The following LRP1B variants were observed in gnomAD, a reference collection of about 807,000 sequenced individuals.
LRP1B encodes LDL receptor related protein 1B, also known as low-density lipoprotein receptor-related protein 1B.
In LRP1B, 217 loss-of-function variants were observed where a neutral mutation model predicts 556.6. That is an observed-to-expected ratio of 0.39 (90% confidence interval 0.35 to 0.44). The LOEUF is 0.44. Among genes scored for constraint, LRP1B ranks in the 20% least tolerant of loss-of-function variants. The probability of loss-of-function intolerance (pLI) is 1.00; values close to 1 mark genes in which losing one functional copy is unlikely to be tolerated. For missense variants in LRP1B, 5,053 were observed against 5,620.8 expected (o/e 0.90, Z 3.23); for synonymous variants, 2,047 against 1,865.8 (o/e 1.10, Z -2.50).
intron 11 of LRP1B, among the ~76,000 whole-genome samples, 181 bp downstream of exon 11, chr2:141,048,805 A>C (rs2105445021): frequency 6.6e-6 from 1 of 152,256 alleles, no homozygotes; most frequent in Middle Eastern, 3.4e-3. Flanking sequence ...TGAAGGCTTT[A>C]ATACACTGGT....
chr2:140,281,860 TCTG>T (rs1682926495), intron 84 of LRP1B, among the ~76,000 whole-genome samples: 1 of 151,808 alleles, frequency 6.6e-6, no homozygotes, highest in African/African-American at 2.4e-5. Flanking sequence ...TCCTATGAAT[TCTG>T]CTGATATTAT....
chr2:142,034,793 T>C (rs1365932884), intron 1 of LRP1B, among the ~76,000 whole-genome samples: 1 of 151,750 alleles, frequency 6.6e-6, no homozygotes, highest in East Asian at 1.9e-4. Flanking sequence ...GCCACCACAC[T>C]GTGGTTATCA....
At chr2:141,584,031 C>G (rs115997955) in intron 2 of LRP1B, among the ~76,000 whole-genome samples, 1 of 151,662 alleles carries the variant, frequency 6.6e-6, no homozygotes, top group South Asian at 2.1e-4. Context: ...ATAACTTGAG[C>G]CTAGGAATTT....
chr2:140,675,657 G>A (rs569088763), intron 41 of LRP1B, among the ~76,000 whole-genome samples: 1 of 152,216 alleles, frequency 6.6e-6, no homozygotes, highest in South Asian at 2.1e-4. Flanking sequence ...TGCTCCTGTA[G>A]TTCCAGCTAC....
At chr2:141,784,813 CT>C (rs1695376314) in intron 2 of LRP1B, among the ~76,000 whole-genome samples, 1 of 152,076 alleles carries the variant, frequency 6.6e-6, no homozygotes, top group African/African-American at 2.4e-5. Flanking sequence ...TCTTATACCA[CT>C]TTTTGTTTGG....
intron 7 of LRP1B, among the ~76,000 whole-genome samples, chr2:141,149,765 G>A (rs11903194): frequency 0.036 from 5,465 of 152,154 alleles, 306 homozygotes; most frequent in African/African-American, 0.12. Context: ...TTCGCAGCAG[G>A]CCTGCAACCT....
chr2:140,702,063 G>T, intron 39 of LRP1B, 78 bp downstream of exon 39: 1 of 1,505,190 alleles, frequency 6.6e-7, no homozygotes. Context: ...GCTAAGAAAT[G>T]GTAAATCCTA....
intron 72 of LRP1B, among the ~76,000 whole-genome samples, chr2:140,363,517 T>C (rs1273615087): frequency 6.6e-6 from 1 of 151,592 alleles, no homozygotes; most frequent in African/African-American, 2.4e-5. Flanking sequence ...TTGATGTTGG[T>C]AGATAAGCTC....
intron 82 of LRP1B, 45 bp downstream of exon 82, chr2:140,321,915 TATG>T (rs779843257): frequency 5.8e-6 from 9 of 1,556,840 alleles, no homozygotes; most frequent in Admixed American, 3.9e-5. Context: ...TGTGAAATTT[TATG>T]ATAAGGATTA....
At chr2:141,772,101 C>T (rs1694920076) in intron 2 of LRP1B, among the ~76,000 whole-genome samples, 1 of 152,060 alleles carries the variant, frequency 6.6e-6, no homozygotes, top group Admixed American at 6.6e-5. Flanking sequence ...CCACCATGCC[C>T]GGCCGATGAT....
intron 41 of LRP1B, among the ~76,000 whole-genome samples, chr2:140,632,063 A>T (rs1003332187): frequency 3.9e-5 from 6 of 152,164 alleles, no homozygotes; most frequent in African/African-American, 1.4e-4. Flanking sequence ...ATATTACTCA[A>T]AATTGAAGAA....
At chr2:141,438,907 C>T (rs532690921) in intron 3 of LRP1B, among the ~76,000 whole-genome samples, 2 of 152,218 alleles carry the variant, frequency 1.3e-5, no homozygotes, top group East Asian at 3.9e-4. Context: ...TTTGAGAGAA[C>T]ATATTTTAGG....
At position 140,541,086 on chromosome 2, in the gene LRP1B, G is replaced by A. The variant is rs761173471; in HGVS notation, c.7400C>T (p.Pro2467Leu). 1.9e-6 allele frequency: 3 copies of A among 1,608,832 alleles called. No individual in the cohort carries two copies. In the South Asian group the frequency reaches 3.3e-5, roughly 18 times the overall value. ...ANDTNSCELS[P>L]CALLNGGCHD... is the part of the protein sequence containing the mutation. ...GCAGCCTCCATTCAATAATGCACAT[G>A]GAGAAAGTTCACCTACAATAAAGAG... The change falls in exon 45 of 91, where the codon CCA (proline) becomes CTA (leucine). Residue 2467 changes from proline (P) to leucine (L), a missense_variant. Around this residue, in one of 5 missense-constraint regions of LRP1B, gnomAD observed 3,619 missense variants for 3,931.9 expected, o/e 0.92. Coordinates refer to ENST00000389484, the MANE Select transcript of LRP1B (RefSeq NM_018557.3).
chr2:140,754,390 C>T (rs987447829), intron 35 of LRP1B, among the ~76,000 whole-genome samples: 2 of 152,076 alleles, frequency 1.3e-5, no homozygotes, highest in Non-Finnish European at 2.9e-5. Context: ...CAATTAATGT[C>T]AAAAGGCATT....
chr2:140,488,413 T>A (rs2105368053), intron 57 of LRP1B, among the ~76,000 whole-genome samples: 1 of 152,112 alleles, frequency 6.6e-6, no homozygotes, highest in South Asian at 2.1e-4. Context: ...AGGAAATGCC[T>A]CCCTTCAGAC....
At chr2:141,093,901 G>A (rs1383422217) in intron 7 of LRP1B, among the ~76,000 whole-genome samples, 2 of 151,960 alleles carry the variant, frequency 1.3e-5, no homozygotes, top group Non-Finnish European at 2.9e-5. Flanking sequence ...ATTTTTAGTA[G>A]AGACAGCGTT....
intron 20 of LRP1B, among the ~76,000 whole-genome samples, chr2:140,944,333 T>G (rs1695482083): frequency 6.6e-6 from 1 of 152,068 alleles, no homozygotes; most frequent in African/African-American, 2.4e-5. Flanking sequence ...AAATTCCACC[T>G]GACCTACAAA....
chr2:140,494,338 G>A (rs1288031657), intron 56 of LRP1B, among the ~76,000 whole-genome samples: 4 of 152,056 alleles, frequency 2.6e-5, no homozygotes, highest in African/African-American at 9.7e-5. Flanking sequence ...GTCACTAAAT[G>A]CATTATGTAG....
intron 11 of LRP1B, among the ~76,000 whole-genome samples, chr2:141,025,731 T>G (rs966390080): frequency 1.3e-5 from 2 of 152,080 alleles, no homozygotes; most frequent in Non-Finnish European, 2.9e-5. Flanking sequence ...AAATCTTTTT[T>G]TCTCTGTCTC....
Sources: gnomAD v4.1 joint callset for allele counts (sites outside exome capture counted in the v4.1 genomes callset) on GRCh38, gnomAD v4.1.1 for gene constraint, gnomAD v4.1.1 regional missense constraint, MANE v1.5 for transcripts, NCBI Gene and HGNC (gene_info 2026-07-23, HGNC 2026-07-21) for gene names.